The following SAMSN1 variants were observed in gnomAD, a reference collection of about 807,000 sequenced individuals.
The protein encoded by SAMSN1 is SAM domain-containing protein SAMSN-1.
In SAMSN1, 31 loss-of-function variants were observed where a neutral mutation model predicts 42.0. The observed-to-expected ratio is 0.74, with a 90% CI of 0.55 to 1.00. The LOEUF (loss-of-function observed/expected upper bound fraction) is 1.00. Ranked by LOEUF, SAMSN1 falls within the 50% of genes least tolerant of loss-of-function variation. The pLI is 0.00. For synonymous variants in SAMSN1, 178 were observed against 151.9 expected, an observed-to-expected ratio of 1.17 and a Z score of -1.26; for missense variants, 464 against 439.4, an observed-to-expected ratio of 1.06 and a Z score of -0.50.
In SAMSN1 at chr21:14,552,146, T is replaced by G. The variant is rs114539357; in HGVS notation, c.261+29990A>C. On this transcript the variant is annotated intron_variant, in intron 2 of 8. Coordinates refer to the SAMSN1 transcript ENST00000285670. ...AGATTCAGTATCATGGGGACAAATC[T>G]GCATTTCAGGCCCCTCTCCAACCCA... Among the ~76,000 whole-genome samples the G allele has an allele frequency of 7.6e-3, 1,157 of 152,184 alleles. 11 individuals carry two copies. Among genetic ancestry groups the G allele is most frequent in the Middle Eastern group, 0.024 (7 of 294 alleles).
At chr21:14,513,523 G>A (rs901710225) in intron 3 of SAMSN1, among the ~76,000 whole-genome samples, 2 of 83,424 alleles carry the variant, frequency 2.4e-5, no homozygotes, top group South Asian at 4.8e-4. Context: ...GTGTGTGCGT[G>A]TGTGTGTGTC....
chr21:14,629,457 T>G (rs753009864), intron 2 of SAMSN1, among the ~76,000 whole-genome samples: 1 of 152,148 alleles, frequency 6.6e-6, no homozygotes, highest in South Asian at 2.1e-4. Context: ...AAAACAGATT[T>G]TATCCTCCTG....
intron 6 of SAMSN1, chr21:14,601,981 A>T: frequency 1.5e-6 from 1 of 652,122 alleles, no homozygotes; most frequent in Non-Finnish European, 2.9e-6. Flanking sequence ...GAGTAACAAG[A>T]CGATTTTCAC....
At chr21:14,618,029 A>T (rs1260736018) in intron 2 of SAMSN1, among the ~76,000 whole-genome samples, 1 of 152,200 alleles carries the variant, frequency 6.6e-6, no homozygotes, top group Admixed American at 6.5e-5. Context: ...AGACATCTGG[A>T]CTGAGATTAA....
chr21:14,500,900 A>G (rs367687505), intron 5 of SAMSN1, among the ~76,000 whole-genome samples, 165 bp from the exon 6 acceptor site: 1 of 152,218 alleles, frequency 6.6e-6, no homozygotes. Flanking sequence ...GGCTGGTGGC[A>G]TGGTGGGTCA....
chr21:14,543,769 TA>T (rs57096051), intron 1 of SAMSN1, among the ~76,000 whole-genome samples: 11 of 151,510 alleles, frequency 7.3e-5, no homozygotes, highest in African/African-American at 1.5e-4. Flanking sequence ...ATTTACAATT[TA>T]AAAAAAAACC....
intron 1 of SAMSN1, among the ~76,000 whole-genome samples, chr21:14,531,206 C>A (rs1383120596): frequency 2.6e-5 from 4 of 151,960 alleles, no homozygotes; most frequent in African/African-American, 9.7e-5. Flanking sequence ...CTCAATAGAC[C>A]TTACTACATT....
At chr21:14,495,157 A>G (rs555454506) in intron 7 of SAMSN1, among the ~76,000 whole-genome samples, 3 of 152,362 alleles carry the variant, frequency 2.0e-5, no homozygotes, top group Admixed American at 1.3e-4. Flanking sequence ...GTTTAACGTG[A>G]CATGCATTTG....
chr21:14,515,246 A>T (rs1290647975), intron 3 of SAMSN1, among the ~76,000 whole-genome samples: 2 of 152,212 alleles, frequency 1.3e-5, no homozygotes, highest in Admixed American at 1.3e-4. Flanking sequence ...GTTGAAGTGG[A>T]TTGAAAAAGA....
chr21:14,518,620 A>G (rs1052147942), intron 2 of SAMSN1, among the ~76,000 whole-genome samples: 5 of 152,218 alleles, frequency 3.3e-5, no homozygotes, highest in Admixed American at 6.5e-5. Flanking sequence ...GTGAACTTGA[A>G]TATTTTAATA....
At chr21:14,612,831 A>T (rs1430352377) in intron 4 of SAMSN1, 1 of 688,680 alleles carries the variant, frequency 1.5e-6, no homozygotes, top group Admixed American at 2.3e-5. Flanking sequence ...ACTTGTGGGG[A>T]GACAGAATAC....
chr21:14,488,929 A>G (rs1405072236), intron 7 of SAMSN1, among the ~76,000 whole-genome samples: 2 of 152,188 alleles, frequency 1.3e-5, no homozygotes, highest in Admixed American at 6.5e-5. Flanking sequence ...ATGTTATATT[A>G]CGGAGATGAA....
chr21:14,621,584 G>A (rs1401402490), intron 2 of SAMSN1, among the ~76,000 whole-genome samples: 2 of 42,562 alleles, frequency 4.7e-5, no homozygotes, highest in Non-Finnish European at 1.1e-4. Flanking sequence ...CAAGGTCACA[G>A]AGAGGCTGGG....
chr21:14,649,285 G>T (rs13048930), intron 1 of SAMSN1, among the ~76,000 whole-genome samples: 4 of 127,794 alleles, frequency 3.1e-5, no homozygotes, highest in South Asian at 3.2e-4. Context: ...GGTGGGGGGA[G>T]GGGGGGAGGG....
chr21:14,585,719 G>T (rs1027388901), upstream of SAMSN1, among the ~76,000 whole-genome samples: 1 of 152,082 alleles, frequency 6.6e-6, no homozygotes, highest in Non-Finnish European at 1.5e-5. Flanking sequence ...ATGTGCCTAG[G>T]ATTGTACATG....
intron 2 of SAMSN1, among the ~76,000 whole-genome samples, chr21:14,573,362 A>G (rs1012379872): frequency 6.6e-6 from 1 of 152,190 alleles, no homozygotes; most frequent in Non-Finnish European, 1.5e-5. Flanking sequence ...GCTCCTGAGA[A>G]TGAAAATGGA....
At chr21:14,618,735 TG>T (rs1271480263) in intron 2 of SAMSN1, among the ~76,000 whole-genome samples, 4 of 151,998 alleles carry the variant, frequency 2.6e-5, no homozygotes, top group Non-Finnish European at 4.4e-5. Context: ...TGTTCTACTC[TG>T]AATTCCAAAA....
rs117233310 is a variant in SAMSN1, at chr21:14,608,578, C to G, written c.322+904G>C. 4.6e-5 allele frequency among the ~76,000 whole-genome samples: 7 copies of G among 152,256 alleles called. No homozygotes were observed. The East Asian group carries it at 1.4e-3, about 29-fold the overall frequency. Reference sequence around the variant, plus strand: ...CCAGTGGAACTGAGGTGCACATGATCTAGTAAGATATCAGCAGGAGTGGCC... The same window carrying G: ...CCAGTGGAACTGAGGTGCACATGATGTAGTAAGATATCAGCAGGAGTGGCC... On this transcript the variant is annotated intron_variant, in intron 5 of 15. Coordinates refer to the SAMSN1 transcript ENST00000647101.
chr21:14,620,890 C>A (rs1405814248), intron 2 of SAMSN1, among the ~76,000 whole-genome samples: 1 of 152,040 alleles, frequency 6.6e-6, no homozygotes, highest in African/African-American at 2.4e-5. Flanking sequence ...CATATAAATT[C>A]CTATTAAAAT....
Sources: gnomAD v4.1 joint callset for allele counts (sites outside exome capture counted in the v4.1 genomes callset) on GRCh38, gnomAD v4.1.1 for gene constraint, MANE v1.5 for transcripts, NCBI Gene and HGNC (gene_info 2026-07-23, HGNC 2026-07-21) for gene names.